Variants in ZNRF1 observed in about 807,000 individuals in gnomAD.
ZNRF1 encodes zinc and ring finger 1, also known as E3 ubiquitin-protein ligase ZNRF1.
In ZNRF1, 3 loss-of-function variants were observed where a neutral mutation model predicts 18.4. The ratio of observed to expected loss-of-function variants is 0.16; its 90% CI spans 0.07 to 0.42. The LOEUF is 0.42. ZNRF1 is among the 10% of genes least tolerant of loss of function. ZNRF1 has a pLI of 0.99. For synonymous variants in ZNRF1, 157 were observed against 144.2 expected, an observed-to-expected ratio of 1.09 and a Z score of -0.64; for missense variants, 310 against 329.8, an observed-to-expected ratio of 0.94 and a Z score of 0.47.
rs560837425 is a variant in ZNRF1, at chr16:75,009,264, T to C, written c.424+9169T>C. Among the ~76,000 whole-genome samples, 890 of 152,316 alleles carry C rather than the reference T, an allele frequency of 5.8e-3. 8 individuals are homozygous for C. The highest frequency in any genetic ancestry group is 0.01 in the Non-Finnish European group (694 of 68,024). Reference sequence around the variant, plus strand: ...TCCCCTCTCCCCCACCTCCCCAGTTTTGTTTTGTTTTTTTAACTGTCATAA... The same window carrying C: ...TCCCCTCTCCCCCACCTCCCCAGTTCTGTTTTGTTTTTTTAACTGTCATAA... On this transcript the variant is annotated intron_variant, in intron 1 of 4. Transcript: ENST00000335325.
chr16:75,037,789 A>G (rs901773192), intron 1 of ZNRF1, among the ~76,000 whole-genome samples: 1 of 152,208 alleles, frequency 6.6e-6, no homozygotes, highest in Non-Finnish European at 1.5e-5. Context: ...ACTGAGCTGA[A>G]AACATCTCAC....
intron 2 of ZNRF1, among the ~76,000 whole-genome samples, chr16:75,102,937 T>C (rs2036270197): frequency 6.6e-6 from 1 of 152,232 alleles, no homozygotes; most frequent in Non-Finnish European, 1.5e-5. Context: ...AACACAAGGC[T>C]GTTCCCTGTG....
chr16:75,070,140 G>C (rs950115040), intron 1 of ZNRF1, among the ~76,000 whole-genome samples: 91 of 152,260 alleles, frequency 6.0e-4, no homozygotes, highest in African/African-American at 1.9e-3. Context: ...GTTCAGAGTC[G>C]GGTTGACCAG....
chr16:75,025,877 G>A (rs963242488), intron 1 of ZNRF1, among the ~76,000 whole-genome samples: 9 of 152,124 alleles, frequency 5.9e-5, no homozygotes, highest in Non-Finnish European at 1.3e-4. Flanking sequence ...CCAGGCAGTG[G>A]GGGGACGGGG....
At position 75,000,001 on chromosome 16, in the gene ZNRF1, CCATAG is replaced by C. The variant is rs780398231; in HGVS notation, c.331_335del (p.His111ArgfsTer29). ...GTTACCAGGAGACGGGCGGCGGTCA[CCATAG>C]AGACGGGATGCTGTACCTGGGCTCC... is the stretch of plus-strand genomic sequence containing the variant. On this transcript the variant is annotated frameshift_variant, in exon 1 of 5. Coordinates refer to ENST00000335325, the MANE Select transcript of ZNRF1 (RefSeq NM_032268.5). LOFTEE classifies it high-confidence loss of function. The C allele has an allele frequency of 2.7e-4, 426 of 1,589,368 alleles. No homozygotes were observed. Among genetic ancestry groups the C allele is most frequent in the Non-Finnish European group, 3.5e-4 (407 of 1,169,068 alleles).
In ZNRF1 at chr16:75,090,203, C is replaced by T. The variant is rs1465610490; in HGVS notation, c.425-3369C>T. Reference sequence around the variant, plus strand: ...GCTGGATCGGAAAAGCATCTTCCATCTGTGAGACGCAGGTTTACACCTCAC... The same window carrying T: ...GCTGGATCGGAAAAGCATCTTCCATTTGTGAGACGCAGGTTTACACCTCAC... On this transcript the variant is annotated intron_variant, in intron 1 of 4. Transcript: ENST00000335325. Among the ~76,000 whole-genome samples, 4 of 152,204 alleles carry T rather than the reference C, an allele frequency of 2.6e-5. No homozygotes were observed. In the East Asian group the frequency reaches 7.7e-4, roughly 29 times the overall value.
At chr16:75,097,394 C>T (rs1035812652) in intron 2 of ZNRF1, among the ~76,000 whole-genome samples, 1 of 152,104 alleles carries the variant, frequency 6.6e-6, no homozygotes, top group Non-Finnish European at 1.5e-5. Flanking sequence ...AAGGAGAGCT[C>T]CCCTCAGCTG....
intron 1 of ZNRF1, among the ~76,000 whole-genome samples, chr16:75,048,698 A>C (rs1191531521): frequency 6.6e-6 from 1 of 152,132 alleles, no homozygotes; most frequent in African/African-American, 2.4e-5. Flanking sequence ...ACAGATGATG[A>C]TGTGTCCTTC....
chr16:75,003,127 G>T (rs1243799979), intron 1 of ZNRF1, among the ~76,000 whole-genome samples: 1 of 152,146 alleles, frequency 6.6e-6, no homozygotes, highest in African/African-American at 2.4e-5. Flanking sequence ...TAAGCTTGGG[G>T]CTAATTTTGT....
intron 2 of ZNRF1, among the ~76,000 whole-genome samples, chr16:75,097,351 T>TG (rs1341867668): frequency 1.3e-5 from 2 of 152,092 alleles, no homozygotes; most frequent in East Asian, 3.9e-4. Context: ...AGGGAGAATC[T>TG]GGGGGGCGGC....
At chr16:75,044,981 A>G (rs1345154598) in intron 1 of ZNRF1, among the ~76,000 whole-genome samples, 3 of 152,070 alleles carry the variant, frequency 2.0e-5, no homozygotes, top group Non-Finnish European at 4.4e-5. Flanking sequence ...GAGGTGGTAG[A>G]GTGTTTGAAA....
At chr16:75,059,007 G>C (rs1350401899) in intron 1 of ZNRF1, among the ~76,000 whole-genome samples, 1 of 152,042 alleles carries the variant, frequency 6.6e-6, no homozygotes, top group Non-Finnish European at 1.5e-5. Flanking sequence ...TTGATCCCCA[G>C]CTGTGTGAGC....
intron 2 of ZNRF1, among the ~76,000 whole-genome samples, chr16:75,096,991 C>T (rs754187617): frequency 6.6e-6 from 1 of 152,106 alleles, no homozygotes; most frequent in Non-Finnish European, 1.5e-5. Context: ...CGGTTGACTC[C>T]AGAGCACCGA....
chr16:75,089,907 C>A (rs945619152), intron 1 of ZNRF1, among the ~76,000 whole-genome samples: 2 of 152,182 alleles, frequency 1.3e-5, no homozygotes, highest in African/African-American at 4.8e-5. Context: ...ATAGGGATAA[C>A]CTTGAATCTG....
At chr16:75,088,101 A>C (rs866064791) in intron 1 of ZNRF1, among the ~76,000 whole-genome samples, 8 of 152,326 alleles carry the variant, frequency 5.3e-5, no homozygotes, top group African/African-American at 1.9e-4. Context: ...ATTTGGTGTG[A>C]GCTTTTTTCC....
intron 1 of ZNRF1, among the ~76,000 whole-genome samples, chr16:75,071,747 C>T (rs1005027447): frequency 6.6e-6 from 1 of 152,102 alleles, no homozygotes; most frequent in African/African-American, 2.4e-5. Flanking sequence ...ATACAATCTA[C>T]TATACCCATG....
intron 1 of ZNRF1, among the ~76,000 whole-genome samples, chr16:75,052,690 A>G (rs1034651136): frequency 1.3e-5 from 2 of 152,136 alleles, no homozygotes; most frequent in African/African-American, 2.4e-5. Flanking sequence ...AGACAGTAAA[A>G]TTGAGAGAAC....
At chr16:75,025,178 C>T (rs981766580) in intron 1 of ZNRF1, among the ~76,000 whole-genome samples, 1 of 152,158 alleles carries the variant, frequency 6.6e-6, no homozygotes, top group Non-Finnish European at 1.5e-5. Context: ...TGCCATTCTC[C>T]TGCCTCAGCC....
intron 1 of ZNRF1, among the ~76,000 whole-genome samples, chr16:75,000,772 C>T (rs1047857529): frequency 6.6e-6 from 1 of 152,218 alleles, no homozygotes; most frequent in Admixed American, 6.5e-5. Flanking sequence ...CCGCGACTCT[C>T]GCCTCCCTCC....
Sources: gnomAD v4.1 joint callset for allele counts (sites outside exome capture counted in the v4.1 genomes callset) on GRCh38, gnomAD v4.1.1 for gene constraint, MANE v1.5 for transcripts, NCBI Gene and HGNC (gene_info 2026-07-23, HGNC 2026-07-21) for gene names.